Variants in PTPRD observed in about 807,000 individuals in gnomAD.
PTPRD encodes the protein receptor-type tyrosine-protein phosphatase delta.
PTPRD carries 34 observed loss-of-function variants against 214.5 expected under a neutral mutation model. That is an observed-to-expected ratio of 0.16 (90% confidence interval 0.12 to 0.21). The LOEUF (loss-of-function observed/expected upper bound fraction) is 0.21. Ranked by LOEUF, PTPRD falls within the 10% of genes least tolerant of loss-of-function variation. The pLI, the probability that PTPRD is intolerant of heterozygous loss-of-function variation, is 1.00. For missense variants in PTPRD, 2,545 were observed against 2,398.7 expected, an observed-to-expected ratio of 1.06 and a Z score of -1.27; for synonymous variants, 1,128 against 845.7, an observed-to-expected ratio of 1.33 and a Z score of -5.79.
At chr9:8,418,580 T>G (rs79676874) in intron 35 of PTPRD, among the ~76,000 whole-genome samples, 2 of 152,090 alleles carry the variant, frequency 1.3e-5, no homozygotes, top group South Asian at 4.1e-4. Flanking sequence ...TTTTTTTTTT[T>G]TGTAATTTTA....
chr9:10,264,206 G>A (rs994934805), intron 3 of PTPRD, among the ~76,000 whole-genome samples: 22 of 152,170 alleles, frequency 1.4e-4, no homozygotes, highest in Non-Finnish European at 2.9e-4. Flanking sequence ...CCCACATAGA[G>A]TCCCCACTGG....
chr9:8,538,638 T>C, intron 14 of PTPRD, among the ~76,000 whole-genome samples: 2 of 151,400 alleles, frequency 1.3e-5, no homozygotes, highest in Middle Eastern at 3.5e-3. Flanking sequence ...TATATATACA[T>C]TTGTATACAT....
At chr9:9,409,791 T>G (rs2074771384) in intron 8 of PTPRD, among the ~76,000 whole-genome samples, 1 of 152,130 alleles carries the variant, frequency 6.6e-6, no homozygotes, top group African/African-American at 2.4e-5. Flanking sequence ...TGTCAGTATC[T>G]CAATGATTTT....
intron 9 of PTPRD, among the ~76,000 whole-genome samples, chr9:9,292,919 G>A (rs1332678019): frequency 6.6e-6 from 1 of 151,456 alleles, no homozygotes; most frequent in Admixed American, 6.6e-5. Flanking sequence ...GAAGTAAAGG[G>A]CCATTCTAAT....
intron 5 of PTPRD, among the ~76,000 whole-genome samples, chr9:9,824,033 T>A (rs2051770784): frequency 6.6e-6 from 1 of 152,024 alleles, no homozygotes; most frequent in Admixed American, 6.6e-5. Flanking sequence ...TGAAAAGAAA[T>A]GCAGTCAACT....
intron 10 of PTPRD, among the ~76,000 whole-genome samples, chr9:9,148,852 A>C (rs1224613968): frequency 3.9e-5 from 6 of 152,208 alleles, no homozygotes; most frequent in Non-Finnish European, 7.3e-5. Flanking sequence ...ATAAAACCTA[A>C]GGTAATAAAA....
At chr9:9,662,256 CTA>C (rs1442824577) in intron 7 of PTPRD, among the ~76,000 whole-genome samples, 52 of 151,658 alleles carry the variant, frequency 3.4e-4, no homozygotes, top group African/African-American at 1.2e-3. Flanking sequence ...AAACCATTAC[CTA>C]ATTGTTCTGG....
At chr9:9,650,883 A>T (rs1204453888) in intron 7 of PTPRD, among the ~76,000 whole-genome samples, 1 of 152,132 alleles carries the variant, frequency 6.6e-6, no homozygotes, top group Admixed American at 6.6e-5. Flanking sequence ...ATAATTAGCT[A>T]AAATATAAAT....
At chr9:10,108,995 C>T (rs940463455) in intron 3 of PTPRD, among the ~76,000 whole-genome samples, 1 of 151,950 alleles carries the variant, frequency 6.6e-6, no homozygotes, top group African/African-American at 2.4e-5. Context: ...AGCACTAGGA[C>T]TAGCATATCA....
At chr9:10,276,117 G>T (rs776088680) in intron 3 of PTPRD, among the ~76,000 whole-genome samples, 1 of 152,126 alleles carries the variant, frequency 6.6e-6, no homozygotes, top group Non-Finnish European at 1.5e-5. Flanking sequence ...ATGCCATCTG[G>T]ACAGATAGTA....
At chr9:8,586,233 G>T (rs1052361276) in intron 14 of PTPRD, among the ~76,000 whole-genome samples, 2 of 143,300 alleles carry the variant, frequency 1.4e-5, no homozygotes, top group African/African-American at 5.7e-5. Context: ...CCGGGAGGTG[G>T]AAGTTGCGGT....
chr9:9,290,602 T>C (rs905663323), intron 9 of PTPRD, among the ~76,000 whole-genome samples: 3 of 151,530 alleles, frequency 2.0e-5, no homozygotes, highest in African/African-American at 7.3e-5. Flanking sequence ...ATAACATATT[T>C]ATGTGTATCC....
intron 8 of PTPRD, among the ~76,000 whole-genome samples, chr9:9,402,079 A>G (rs2070837213): frequency 6.6e-6 from 1 of 152,118 alleles, no homozygotes; most frequent in African/African-American, 2.4e-5. Flanking sequence ...AATACAAACG[A>G]AAGTTGGTTC....
intron 4 of PTPRD, among the ~76,000 whole-genome samples, chr9:10,025,645 G>A (rs757060568): frequency 2.6e-5 from 4 of 152,128 alleles, no homozygotes; most frequent in Non-Finnish European, 5.9e-5. Context: ...AGAGAAATCT[G>A]AGAAACTTTT....
chr9:10,450,800 T>C (rs2098836470), intron 2 of PTPRD, among the ~76,000 whole-genome samples: 1 of 152,026 alleles, frequency 6.6e-6, no homozygotes, highest in East Asian at 1.9e-4. Flanking sequence ...TGACTGCTGC[T>C]CTACCATCAC....
chr9:8,532,884 A>C (rs1299097763), intron 14 of PTPRD, among the ~76,000 whole-genome samples: 1 of 152,194 alleles, frequency 6.6e-6, no homozygotes, highest in South Asian at 2.1e-4. Context: ...CTGATACAAA[A>C]CTTTCAGTTC....
At chr9:9,115,566 A>G (rs1057123256) in intron 10 of PTPRD, among the ~76,000 whole-genome samples, 20 of 152,180 alleles carry the variant, frequency 1.3e-4, no homozygotes, top group African/African-American at 4.8e-4. Context: ...GGAAAACAAT[A>G]TGTAGATTTC....
chr9:10,290,800 T>A (rs2095504877), intron 3 of PTPRD, among the ~76,000 whole-genome samples: 1 of 152,012 alleles, frequency 6.6e-6, no homozygotes, highest in South Asian at 2.1e-4. Context: ...TCATTGTTAT[T>A]TGGGAGGAAT....
intron 2 of PTPRD, among the ~76,000 whole-genome samples, chr9:10,484,799 T>C (rs901416361): frequency 6.6e-6 from 1 of 152,126 alleles, no homozygotes; most frequent in African/African-American, 2.4e-5. Context: ...TTGCAAATAT[T>C]TTCTCTTATT....
Sources: allele counts gnomAD v4.1 joint callset (sites outside exome capture counted in the v4.1 genomes callset), GRCh38; gene constraint gnomAD v4.1.1; transcripts MANE v1.5; gene names NCBI Gene and HGNC (gene_info 2026-07-23, HGNC 2026-07-21).